KCNQ3: variants seen among roughly 807,000 people sequenced by gnomAD.
The protein encoded by KCNQ3 is potassium voltage-gated channel subfamily KQT member 3.
In KCNQ3, 30 loss-of-function variants were observed where a neutral mutation model predicts 92.5. The observed-to-expected ratio is 0.32, with a 90% CI of 0.24 to 0.44. The LOEUF (loss-of-function observed/expected upper bound fraction) is 0.44, where lower values mean the gene tolerates loss of function less well. KCNQ3 is among the 20% of genes least tolerant of loss of function. The pLI, the probability that KCNQ3 is intolerant of heterozygous loss-of-function variation, is 1.00. For missense variants in KCNQ3, 913 were observed against 1,140.3 expected, an observed-to-expected ratio of 0.80 and a Z score of 2.87; for synonymous variants, 450 against 468.8, an observed-to-expected ratio of 0.96 and a Z score of 0.52.
At chr8:132,279,991 T>C (rs151152970) in intron 1 of KCNQ3, among the ~76,000 whole-genome samples, 283 of 152,278 alleles carry the variant, frequency 1.9e-3, no homozygotes, top group African/African-American at 6.8e-3. Context: ...GTCAATTGTT[T>C]ATTCAGCATA....
intron 1 of KCNQ3, among the ~76,000 whole-genome samples, chr8:132,477,611 A>T (rs1822445000): frequency 6.6e-6 from 1 of 152,206 alleles, no homozygotes; most frequent in Non-Finnish European, 1.5e-5. Context: ...AATTCAACAC[A>T]GGTTTTCCTG....
chr8:132,149,689 C>CAAA (rs995951814), intron 9 of KCNQ3, among the ~76,000 whole-genome samples: 4 of 152,312 alleles, frequency 2.6e-5, no homozygotes, highest in African/African-American at 9.6e-5. Context: ...CACAGACACG[C>CAAA]GCGCGGGACA....
intron 1 of KCNQ3, among the ~76,000 whole-genome samples, chr8:132,229,283 G>A (rs999196925): frequency 2.6e-5 from 4 of 151,446 alleles, no homozygotes; most frequent in African/African-American, 9.7e-5. Flanking sequence ...AAAAATTCTG[G>A]ATATGAGGTA....
intron 1 of KCNQ3, among the ~76,000 whole-genome samples, chr8:132,334,944 T>C (rs1346024645): frequency 6.6e-6 from 1 of 152,190 alleles, no homozygotes; most frequent in East Asian, 1.9e-4. Flanking sequence ...TCAGCCAAAG[T>C]GGTCTTTCTA....
intron 1 of KCNQ3, among the ~76,000 whole-genome samples, chr8:132,455,791 G>T (rs557055312): frequency 1.7e-4 from 26 of 152,238 alleles, no homozygotes; most frequent in African/African-American, 6.0e-4. Context: ...GCCCAGGCTG[G>T]AGTATAGTGG....
chr8:132,344,227 T>C (rs1818615760), intron 1 of KCNQ3, among the ~76,000 whole-genome samples: 1 of 152,232 alleles, frequency 6.6e-6, no homozygotes, highest in Non-Finnish European at 1.5e-5. Context: ...CAGTACCCTA[T>C]TCTCTACTAA....
chr8:132,351,981 G>C (rs151292189), intron 1 of KCNQ3, among the ~76,000 whole-genome samples: 1 of 152,164 alleles, frequency 6.6e-6, no homozygotes, highest in South Asian at 2.1e-4. Context: ...GAAGTCAGCA[G>C]GCTTAGAGTC....
chr8:132,172,385 T>A (rs940127135), intron 7 of KCNQ3, among the ~76,000 whole-genome samples: 5 of 140,874 alleles, frequency 3.5e-5, no homozygotes, highest in Non-Finnish European at 7.9e-5. Context: ...TGCTCCTGCC[T>A]GGGCACATTA....
At chr8:132,250,260 G>A (rs1271233131) in intron 1 of KCNQ3, among the ~76,000 whole-genome samples, 4 of 152,194 alleles carry the variant, frequency 2.6e-5, no homozygotes, top group Non-Finnish European at 5.9e-5. Context: ...AGAGAATGGA[G>A]ACTACATGGA....
chr8:132,404,571 A>G (rs772463169), intron 1 of KCNQ3, among the ~76,000 whole-genome samples: 2 of 152,224 alleles, frequency 1.3e-5, no homozygotes, highest in Non-Finnish European at 2.9e-5. Flanking sequence ...AGACAATTCC[A>G]GTCTTCCCTT....
chr8:132,231,144 G>A (rs1346653297), intron 1 of KCNQ3, among the ~76,000 whole-genome samples: 2 of 152,206 alleles, frequency 1.3e-5, no homozygotes, highest in Non-Finnish European at 2.9e-5. Flanking sequence ...AGCAGAAGCT[G>A]GGAAGGGCCA....
intron 9 of KCNQ3, among the ~76,000 whole-genome samples, chr8:132,155,177 C>T (rs1331620573): frequency 6.6e-6 from 1 of 152,188 alleles, no homozygotes; most frequent in Non-Finnish European, 1.5e-5. Flanking sequence ...CACATCTGCT[C>T]CTCCCATCAG....
chr8:132,401,602 C>T lies in KCNQ3; in HGVS notation c.386+78545G>A, dbSNP rs1820334424. 2.0e-5 allele frequency among the ~76,000 whole-genome samples: 3 copies of T among 152,164 alleles called. No individual in the cohort carries two copies. In the South Asian group the frequency reaches 6.2e-4, roughly 31 times the overall value. On this transcript the variant is annotated intron_variant, in intron 1 of 14. Coordinates refer to ENST00000388996, the MANE Select transcript of KCNQ3 (RefSeq NM_004519.4). ...TGTTGGCCAGGATGGTCTTGATTTCCTGACCTCGTGATCCGCCTGCCTCGG... is the reference window on the plus strand; with the variant it reads ...TGTTGGCCAGGATGGTCTTGATTTCTTGACCTCGTGATCCGCCTGCCTCGG...
chr8:132,396,374 G>GA (rs965261421), intron 1 of KCNQ3, among the ~76,000 whole-genome samples: 7 of 124,864 alleles, frequency 5.6e-5, no homozygotes, highest in Admixed American at 3.3e-4. Flanking sequence ...ATACTGCAAA[G>GA]AAAAAAACAA....
rs1454844351 is a variant in KCNQ3 at position 132,185,308 on chromosome 8, C to T, written c.477+783G>A. On this transcript the variant is annotated intron_variant, in intron 2 of 14. Coordinates refer to ENST00000388996, the MANE Select transcript of KCNQ3 (RefSeq NM_004519.4). Reference sequence around the variant, plus strand: ...CCACTGCCCTGTGTGCAGGATGGGGCCTCACCCCATGCAGTCGGCATTGCC... The same window carrying T: ...CCACTGCCCTGTGTGCAGGATGGGGTCTCACCCCATGCAGTCGGCATTGCC... Among the ~76,000 whole-genome samples the T allele has an allele frequency of 3.3e-5, 5 of 152,252 alleles. No individual in the cohort carries two copies. In the East Asian group the frequency reaches 9.6e-4, roughly 29 times the overall value.
Position 132,255,972 on chromosome 8 carries a change from G to T in KCNQ3, c.387-69791C>A, listed in dbSNP as rs201900955. On this transcript the variant is annotated intron_variant, in intron 1 of 14. Coordinates refer to ENST00000388996, the MANE Select transcript of KCNQ3 (RefSeq NM_004519.4). ...ATGTATTACCTATACCCAAGAAAAA[G>T]AAAATAAACAAACCAAAAAAACAGT... Among the ~76,000 whole-genome samples the T allele has an allele frequency of 6.1e-5, 5 of 82,580 alleles. No homozygotes were observed. In the Admixed American group the frequency reaches 7.8e-4, roughly 13 times the overall value. 54.2% of individuals were successfully genotyped at this position (82,580 alleles called of 152,430 possible). A position where few individuals can be genotyped will look rare whatever the true frequency, so the allele number is the denominator to read the frequency against.
intron 1 of KCNQ3, among the ~76,000 whole-genome samples, chr8:132,283,587 C>A (rs1413304013): frequency 6.6e-6 from 1 of 152,238 alleles, no homozygotes; most frequent in African/African-American, 2.4e-5. Context: ...GCATGACCAG[C>A]AGGCTGCTGC....
chr8:132,155,077 T>A (rs182394743), intron 9 of KCNQ3, among the ~76,000 whole-genome samples: 1 of 152,234 alleles, frequency 6.6e-6, no homozygotes, highest in East Asian at 1.9e-4. Context: ...AGCTTAAGAG[T>A]TTCCTTCCTT....
intron 1 of KCNQ3, among the ~76,000 whole-genome samples, chr8:132,207,561 C>T (rs1264353589): frequency 6.6e-6 from 1 of 152,190 alleles, no homozygotes; most frequent in Non-Finnish European, 1.5e-5. Flanking sequence ...TTTTCAACCA[C>T]TTCCAGGCTG....
Sources: gnomAD v4.1 joint callset for allele counts (sites outside exome capture counted in the v4.1 genomes callset) on GRCh38, gnomAD v4.1.1 for gene constraint, MANE v1.5 for transcripts, NCBI Gene and HGNC (gene_info 2026-07-23, HGNC 2026-07-21) for gene names.